Variants in CNTN6 observed in about 807,000 individuals in gnomAD.
The protein encoded by CNTN6 is contactin-6.
A neutral mutation model predicts 122.8 loss-of-function variants in CNTN6; 137 were observed. The ratio of observed to expected loss-of-function variants is 1.12; its 90% CI spans 0.97 to 1.29. The LOEUF is 1.29. Among genes scored for constraint, CNTN6 ranks in the 50% most tolerant of loss-of-function variants. CNTN6 has a pLI of 0.00. For missense variants in CNTN6, 1,634 were observed against 1,223.4 expected (o/e 1.34, Z -5.01); for synonymous variants, 570 against 426.0 (o/e 1.34, Z -4.16).
chr3:1,353,832 G>C (rs1305671538), intron 12 of CNTN6, among the ~76,000 whole-genome samples: 1 of 151,496 alleles, frequency 6.6e-6, no homozygotes, highest in African/African-American at 2.4e-5. Flanking sequence ...AATCTTCTAG[G>C]TATGGAAAAA....
intron 2 of CNTN6, among the ~76,000 whole-genome samples, chr3:1,215,731 A>T (rs534965882): frequency 1.3e-5 from 2 of 152,060 alleles, no homozygotes; most frequent in South Asian, 4.2e-4. Context: ...TTACTATTCC[A>T]TTTCTTTTCA....
At chr3:1,188,749 C>T (rs1184694633) in intron 2 of CNTN6, among the ~76,000 whole-genome samples, 1 of 152,236 alleles carries the variant, frequency 6.6e-6, no homozygotes, top group African/African-American at 2.4e-5. Context: ...GAGAACTTGG[C>T]TTCTAGAGAA....
At chr3:1,133,111 C>T (rs577469798) in intron 1 of CNTN6, among the ~76,000 whole-genome samples, 5 of 152,088 alleles carry the variant, frequency 3.3e-5, no homozygotes, top group East Asian at 3.9e-4. Flanking sequence ...GGAGACGTGC[C>T]GCAAATATTT....
chr3:1,397,431 T>C (rs1039101299), intron 20 of CNTN6, among the ~76,000 whole-genome samples: 1 of 152,082 alleles, frequency 6.6e-6, no homozygotes. Context: ...ATTGTTGCTG[T>C]TGATGATGAT....
chr3:1,334,106 G>A (rs988439360), intron 11 of CNTN6, among the ~76,000 whole-genome samples: 1 of 152,156 alleles, frequency 6.6e-6, no homozygotes, highest in Non-Finnish European at 1.5e-5. Context: ...GAGGAGAAAA[G>A]TGTTTCTCGA....
intron 5 of CNTN6, 86 bp downstream of exon 5, chr3:1,278,594 C>T (rs754577036): frequency 2.6e-6 from 2 of 778,246 alleles, no homozygotes; most frequent in Non-Finnish European, 4.2e-6. Flanking sequence ...TCAGTGATCA[C>T]CTTTTATCAA....
chr3:1,241,015 T>C (rs2094476197), intron 4 of CNTN6, among the ~76,000 whole-genome samples: 1 of 151,858 alleles, frequency 6.6e-6, no homozygotes, highest in Non-Finnish European at 1.5e-5. Context: ...AAGAACCTTC[T>C]TAAGGGTGGG....
intron 9 of CNTN6, among the ~76,000 whole-genome samples, 193 bp from the exon 10 acceptor site, chr3:1,327,264 G>T (rs1701666795): frequency 1.3e-5 from 2 of 151,684 alleles, no homozygotes; most frequent in South Asian, 4.1e-4. Context: ...AAACACACTA[G>T]TAACCACTAA....
chr3:1,120,261 GAT>G (rs2091899795), intron 1 of CNTN6, among the ~76,000 whole-genome samples: 1 of 151,818 alleles, frequency 6.6e-6, no homozygotes, highest in Non-Finnish European at 1.5e-5. Context: ...GGTTATATGT[GAT>G]GTTTATCTTA....
intron 1 of CNTN6, among the ~76,000 whole-genome samples, chr3:1,145,554 AGGC>A (rs2092706948): frequency 6.6e-6 from 1 of 152,160 alleles, no homozygotes; most frequent in African/African-American, 2.4e-5. Context: ...TTATAAGCTG[AGGC>A]TTTTTTGAGA....
intron 1 of CNTN6, among the ~76,000 whole-genome samples, chr3:1,106,540 ACACG>A (rs1219716331): frequency 6.7e-6 from 1 of 148,416 alleles, no homozygotes; most frequent in African/African-American, 2.6e-5. Flanking sequence ...ACACACACAC[ACACG>A]CACAATCTCT....
chr3:1,174,827 C>T (rs1034787096), intron 2 of CNTN6, among the ~76,000 whole-genome samples: 1 of 152,166 alleles, frequency 6.6e-6, no homozygotes, highest in Non-Finnish European at 1.5e-5. Flanking sequence ...GACATTGCCC[C>T]AATCCTTAAA....
At chr3:1,286,256 G>C (rs1401846054) in intron 5 of CNTN6, among the ~76,000 whole-genome samples, 1 of 152,118 alleles carries the variant, frequency 6.6e-6, no homozygotes, top group African/African-American at 2.4e-5. Flanking sequence ...GTGCAGGTTT[G>C]TTACATAGGT....
intron 20 of CNTN6, among the ~76,000 whole-genome samples, chr3:1,390,042 G>A (rs13321668): frequency 2.3e-4 from 35 of 151,952 alleles, no homozygotes; most frequent in African/African-American, 8.2e-4. Context: ...ATTGAACTCA[G>A]CTCTGCACCA....
intron 20 of CNTN6, among the ~76,000 whole-genome samples, chr3:1,386,518 A>AGTCT (rs1452659962): frequency 3.3e-5 from 5 of 152,172 alleles, no homozygotes; most frequent in African/African-American, 1.2e-4. Context: ...TTTCTGACTG[A>AGTCT]GTCTGGTAAT....
intron 7 of CNTN6, among the ~76,000 whole-genome samples, chr3:1,312,087 A>G (rs1699415766): frequency 1.3e-5 from 2 of 152,176 alleles, no homozygotes; most frequent in African/African-American, 4.8e-5. Context: ...CGATTTCTAA[A>G]TATCTTGCCA....
intron 1 of CNTN6, among the ~76,000 whole-genome samples, chr3:1,112,680 C>A (rs1007750372): frequency 6.6e-6 from 1 of 152,118 alleles, no homozygotes; most frequent in African/African-American, 2.4e-5. Context: ...AATGTCCTTG[C>A]AGACACGCCC....
intron 2 of CNTN6, among the ~76,000 whole-genome samples, chr3:1,202,625 T>C (rs1235512893): frequency 6.6e-6 from 1 of 151,986 alleles, no homozygotes; most frequent in Admixed American, 6.5e-5. Flanking sequence ...AAAGTCAATG[T>C]AACAACTCAG....
At position 1,245,229 on chromosome 3, in the gene CNTN6, TATATATACAC is replaced by T. The variant is rs2094550035; in HGVS notation, c.358+17238_358+17247del. ...ATATATATATATATATATATATATATATATATACACACACACATATATATATAACATATAT... is the reference window on the plus strand; with the variant it reads ...ATATATATATATATATATATATATATACACACATATATATATAACATATAT... On this transcript the variant is annotated intron_variant, in intron 4 of 22. Transcript: ENST00000446702. 4.1e-4 allele frequency among the ~76,000 whole-genome samples: 5 copies of T among 12,172 alleles called. 1 individual carries two copies. Among genetic ancestry groups the T allele is most frequent in the African/African-American group, 1.6e-3 (5 of 3,150 alleles). The allele number at this position is 12,172 out of a possible 152,430, so 8.0% of individuals were successfully genotyped here. A position where few individuals can be genotyped will look rare whatever the true frequency, so the allele number is the denominator to read the frequency against.
Sources: gnomAD v4.1 joint callset for allele counts (sites outside exome capture counted in the v4.1 genomes callset) on GRCh38, gnomAD v4.1.1 for gene constraint, MANE v1.5 for transcripts, NCBI Gene and HGNC (gene_info 2026-07-23, HGNC 2026-07-21) for gene names.